The following XYLT1 variants were observed in gnomAD, a reference collection of about 807,000 sequenced individuals.
XYLT1 encodes the protein xylosyltransferase 1.
XYLT1 carries 36 observed loss-of-function variants against 91.3 expected under a neutral mutation model. The ratio of observed to expected loss-of-function variants is 0.39; its 90% confidence interval spans 0.30 to 0.52. The LOEUF is 0.52. Among genes scored for constraint, XYLT1 ranks in the 20% least tolerant of loss-of-function variants. XYLT1 has a pLI of 0.68. For missense variants in XYLT1, 1,242 were observed against 1,284.5 expected, an observed-to-expected ratio of 0.97 and a Z score of 0.51; for synonymous variants, 588 against 532.0, an observed-to-expected ratio of 1.11 and a Z score of -1.45.
At chr16:17,225,765 A>G (rs1319446599) in intron 3 of XYLT1, among the ~76,000 whole-genome samples, 1 of 152,166 alleles carries the variant, frequency 6.6e-6, no homozygotes, top group African/African-American at 2.4e-5. Flanking sequence ...AGACTGTGGT[A>G]AGTTACAATG....
chr16:17,244,777 G>C (rs1453844303), intron 3 of XYLT1, among the ~76,000 whole-genome samples: 3 of 152,104 alleles, frequency 2.0e-5, no homozygotes, highest in Non-Finnish European at 4.4e-5. Flanking sequence ...CCCTCAATAG[G>C]GGAATGACCA....
chr16:17,160,894 T>C (rs1201703453), intron 5 of XYLT1, among the ~76,000 whole-genome samples: 1 of 152,204 alleles, frequency 6.6e-6, no homozygotes, highest in Admixed American at 6.5e-5. Context: ...AAGAGGCCCA[T>C]TCCAACTGCG....
intron 1 of XYLT1, among the ~76,000 whole-genome samples, chr16:17,439,438 TAC>T (rs1490603532): frequency 6.6e-6 from 1 of 152,160 alleles, no homozygotes; most frequent in Admixed American, 6.5e-5. Context: ...CTCCCTAAAT[TAC>T]AGTCATCCTT....
At chr16:17,161,631 C>T (rs1262159078) in intron 5 of XYLT1, among the ~76,000 whole-genome samples, 1 of 152,008 alleles carries the variant, frequency 6.6e-6, no homozygotes, top group Non-Finnish European at 1.5e-5. Flanking sequence ...AGATAATTAA[C>T]AGCTTGCGAT....
chr16:17,334,405 T>G (rs2034947287), intron 2 of XYLT1, among the ~76,000 whole-genome samples: 1 of 152,058 alleles, frequency 6.6e-6, no homozygotes, highest in African/African-American at 2.4e-5. Context: ...CACAGGAAAG[T>G]GACTGCAGTA....
chr16:17,359,434 A>G (rs573304398), intron 1 of XYLT1, among the ~76,000 whole-genome samples: 2 of 152,274 alleles, frequency 1.3e-5, no homozygotes, highest in African/African-American at 2.4e-5. Flanking sequence ...TATCTTTGTA[A>G]TGATGCCCAA....
chr16:17,141,487 G>A, intron 6 of XYLT1, 118 bp from the exon 7 acceptor site: 1 of 996,874 alleles, frequency 1.0e-6, no homozygotes, highest in Non-Finnish European at 1.5e-6. Context: ...TGCCTGCTGT[G>A]TGCCAGGTAC....
At chr16:17,223,327 C>A (rs2033005611) in intron 3 of XYLT1, among the ~76,000 whole-genome samples, 1 of 152,170 alleles carries the variant, frequency 6.6e-6, no homozygotes, top group African/African-American at 2.4e-5. Context: ...TGGAAATAAC[C>A]CAAAGGAAAG....
Position 17,108,926 on chromosome 16 carries a change from G to A in XYLT1, c.2649C>T (p.Ile883=), listed in dbSNP as rs780133822. The change falls in exon 12 of 12, where the codon ATC becomes ATT. Residue 883 remains isoleucine (I), a synonymous_variant. Coordinates refer to ENST00000261381, the MANE Select transcript of XYLT1 (RefSeq NM_022166.4). ...GTGCCTGTTCCACCTGGGCGGGGTTGATGGGCAGGCTGAGGACGGGGTTTA... is the reference window on the plus strand; with the variant it reads ...GTGCCTGTTCCACCTGGGCGGGGTTAATGGGCAGGCTGAGGACGGGGTTTA... ...QSLNPVLSLP[I]NPAQVEQARR... 2 of 1,599,566 alleles carry A rather than the reference G, an allele frequency of 1.3e-6. No individual in the cohort carries two copies. Among genetic ancestry groups the A allele is most frequent in the African/African-American group, 2.7e-5 (2 of 74,664 alleles).
chr16:17,399,488 A>G (rs2035935902), intron 1 of XYLT1, among the ~76,000 whole-genome samples: 1 of 152,224 alleles, frequency 6.6e-6, no homozygotes, highest in Admixed American at 6.5e-5. Flanking sequence ...ATTTAAGAAT[A>G]AACAGGCTTT....
At chr16:17,135,111 A>C (rs2030662756) in intron 8 of XYLT1, among the ~76,000 whole-genome samples, 1 of 152,200 alleles carries the variant, frequency 6.6e-6, no homozygotes, top group African/African-American at 2.4e-5. Flanking sequence ...CTGCAGATGT[A>C]TTTTAGCTAG....
At chr16:17,379,763 T>TCTTTCACACACACACACACA (rs373354877) in intron 1 of XYLT1, among the ~76,000 whole-genome samples, 1 of 125,546 alleles carries the variant, frequency 8.0e-6, no homozygotes, top group African/African-American at 3.2e-5. Context: ...TCTCTCTCTC[T>TCTTTCACACACACACACACA]CACACACACA....
chr16:17,140,452 G>C (rs548975906), intron 7 of XYLT1, among the ~76,000 whole-genome samples: 1 of 152,022 alleles, frequency 6.6e-6, no homozygotes, highest in Non-Finnish European at 1.5e-5. Context: ...CTTGAGGCCA[G>C]GAGTTCAAGA....
intron 3 of XYLT1, among the ~76,000 whole-genome samples, chr16:17,224,158 C>T (rs932858243): frequency 5.9e-5 from 9 of 152,174 alleles, no homozygotes; most frequent in Non-Finnish European, 1.3e-4. Context: ...TAATTGAAGG[C>T]TGTGGTATAT....
At chr16:17,229,122 A>C (rs1290876074) in intron 3 of XYLT1, among the ~76,000 whole-genome samples, 2 of 152,134 alleles carry the variant, frequency 1.3e-5, no homozygotes, top group East Asian at 3.9e-4. Context: ...AATGAGTGCC[A>C]CCAAGCCCGG....
chr16:17,313,407 G>A (rs1393541722), intron 2 of XYLT1, among the ~76,000 whole-genome samples: 1 of 152,076 alleles, frequency 6.6e-6, no homozygotes, highest in Non-Finnish European at 1.5e-5. Context: ...AGCCTTGGCA[G>A]CCAGCGACCT....
intron 6 of XYLT1, among the ~76,000 whole-genome samples, chr16:17,152,947 C>A (rs77121144): frequency 4.1e-4 from 63 of 152,142 alleles, no homozygotes; most frequent in South Asian, 4.1e-4. Context: ...AGGTCAATAC[C>A]TAACTTTCAT....
Position 17,470,671 on chromosome 16 carries a change from G to C in XYLT1, c.126C>G (p.Ala42=), listed in dbSNP as rs1359623297. 3 of 1,147,896 alleles carry C rather than the reference G, an allele frequency of 2.6e-6. No individual in the cohort carries two copies. The highest frequency in any genetic ancestry group is 1.8e-5 in the South Asian group (1 of 55,502). 71.1% of individuals were successfully genotyped at this position (1,147,896 alleles called of 1,614,324 possible). ...VWNFSSLDSG[A]GERRGGAAVG... ...CCGCTGCGCCCCCGCGGCGCTCCCC[G>C]GCCCCGGAGTCGAGGCTGCTGAAAT... Residue 42 remains alanine (A), a synonymous_variant, in exon 1 of 12, where the codon GCC becomes GCG. Coordinates refer to ENST00000261381, the MANE Select transcript of XYLT1 (RefSeq NM_022166.4).
At chr16:17,315,875 G>A (rs2034622839) in intron 2 of XYLT1, among the ~76,000 whole-genome samples, 1 of 152,142 alleles carries the variant, frequency 6.6e-6, no homozygotes, top group East Asian at 1.9e-4. Context: ...CAAGTCCCTG[G>A]TAGGAGGTCC....
Sources: allele counts gnomAD v4.1 joint callset (sites outside exome capture counted in the v4.1 genomes callset), GRCh38; gene constraint gnomAD v4.1.1; transcripts MANE v1.5; gene names NCBI Gene and HGNC (gene_info 2026-07-23, HGNC 2026-07-21).